Variants in IQCH observed in about 807,000 individuals in gnomAD.
The protein encoded by IQCH is IQ motif containing H, also known as IQ domain-containing protein H.
Under a neutral mutation model 117.0 loss-of-function variants are expected in IQCH, and 98 were observed. The ratio of observed to expected loss-of-function variants is 0.84; its 90% CI spans 0.71 to 0.99. The LOEUF is 0.99. Among genes scored for constraint, IQCH ranks in the 50% least tolerant of loss-of-function variants. The probability of loss-of-function intolerance (pLI) is 0.00; values close to 1 mark genes in which losing one functional copy is unlikely to be tolerated. For missense variants in IQCH, 1,102 were observed against 1,243.8 expected (o/e 0.89, Z 1.72); for synonymous variants, 412 against 448.2 (o/e 0.92, Z 1.02).
chr15:67,282,493 T>C (rs1966399840), intron 4 of IQCH, among the ~76,000 whole-genome samples: 1 of 152,168 alleles, frequency 6.6e-6, no homozygotes, highest in Non-Finnish European at 1.5e-5. Context: ...GCATGGACTA[T>C]TTCCTACCCT....
At chr15:67,399,883 A>G (rs943557548) in intron 13 of IQCH, among the ~76,000 whole-genome samples, 3 of 152,264 alleles carry the variant, frequency 2.0e-5, no homozygotes, top group Non-Finnish European at 2.9e-5. Flanking sequence ...AATTTCTCAA[A>G]TAAGACTGTG....
chr15:67,441,122 C>CAAAAAAAAAAAAAAA (rs200254535), intron 16 of IQCH, among the ~76,000 whole-genome samples: 2 of 53,974 alleles, frequency 3.7e-5, no homozygotes, highest in African/African-American at 1.4e-4. Flanking sequence ...GCAATAGCTG[C>CAAAAAAAAAAAAAAA]AAAAAAAAAA....
Position 67,297,013 on chromosome 15 carries a change from C to A in IQCH, c.387+17501C>A, listed in dbSNP as rs920734330. ...TAGGAATGAGAAAACGGATTGGCCA[C>A]ATCTGAATAGAAGTAGGTAAGCCTT... On this transcript the variant is annotated intron_variant, in intron 4 of 20. Coordinates refer to ENST00000335894, the MANE Select transcript of IQCH (RefSeq NM_001031715.3). 1.1e-4 allele frequency among the ~76,000 whole-genome samples: 17 copies of A among 152,260 alleles called. No individual in the cohort carries two copies. The South Asian group carries it at 2.9e-3, about 26-fold the overall frequency.
rs532904159 is a variant in IQCH at position 67,401,706 on chromosome 15, A to G, written c.2097+1401A>G. Among the ~76,000 whole-genome samples the G allele has an allele frequency of 2.4e-4, 37 of 152,280 alleles. 2 individuals carry two copies. In the South Asian group the frequency reaches 7.3e-3, roughly 30 times the overall value. ...GCTTCGTTTCTCCCCTCCATCAGTA[A>G]ATGGACTAAATGCAGTACCTGTCAT... On this transcript the variant is annotated intron_variant, in intron 14 of 20. Coordinates refer to ENST00000335894, the MANE Select transcript of IQCH (RefSeq NM_001031715.3). The surrounding 1 kb of genome is among the most constrained non-coding windows in gnomAD (Gnocchi z 4.7).
At chr15:67,280,825 C>T (rs1261275505) in intron 4 of IQCH, among the ~76,000 whole-genome samples, 2 of 132,766 alleles carry the variant, frequency 1.5e-5, no homozygotes, top group African/African-American at 3.0e-5. Context: ...CAGAACAATC[C>T]TAGAAGGAGG....
Position 67,376,385 on chromosome 15 carries a change from ATCTAGTAATTTCATTTCCAAAG to A in IQCH, c.1372+2954_1372+2975del, listed in dbSNP as rs1567138923. ...TACTGGAAGAAAACTAATCTATTCA[ATCTAGTAATTTCATTTCCAAAG>A]TTGAGACAGATTCACTAGTCAAAAT... On this transcript the variant is annotated intron_variant, in intron 10 of 20. Transcript: ENST00000335894. This position sits in a 1 kb window ranked among gnomAD's most constrained non-coding sequence, Gnocchi z 5.0. Among the ~76,000 whole-genome samples the A allele has an allele frequency of 6.6e-6, 1 of 152,228 alleles. No homozygotes were observed. The highest frequency in any genetic ancestry group is 1.9e-4 in the East Asian group (1 of 5,204).
chr15:67,293,424 A>T (rs1966819017), intron 4 of IQCH, among the ~76,000 whole-genome samples: 1 of 152,212 alleles, frequency 6.6e-6, no homozygotes, highest in Non-Finnish European at 1.5e-5. Flanking sequence ...AAAATAGTGT[A>T]ATATTTGCAT....
intron 4 of IQCH, among the ~76,000 whole-genome samples, chr15:67,291,602 C>T (rs940913673): frequency 3.3e-5 from 5 of 152,028 alleles, no homozygotes; most frequent in Non-Finnish European, 7.4e-5. Context: ...TTCACCCAAA[C>T]GAAAGTTTTG....
intron 4 of IQCH, among the ~76,000 whole-genome samples, chr15:67,301,305 G>C (rs777266134): frequency 3.3e-4 from 50 of 149,634 alleles, no homozygotes; most frequent in Non-Finnish European, 6.1e-4. Context: ...ATGCTTATAA[G>C]TATTTTCCCA....
At chr15:67,497,900 A>G (rs1013773053) in intron 20 of IQCH, among the ~76,000 whole-genome samples, 2 of 152,350 alleles carry the variant, frequency 1.3e-5, no homozygotes, top group East Asian at 1.9e-4. Flanking sequence ...TATTCATCCA[A>G]TAGAAGACAA....
At position 67,428,572 on chromosome 15, in the gene IQCH, C is replaced by T. The variant is rs1209247939; in HGVS notation, c.2505+6995C>T. 5.3e-5 allele frequency among the ~76,000 whole-genome samples: 8 copies of T among 152,136 alleles called. No individual in the cohort carries two copies. The East Asian group carries it at 1.2e-3, about 22-fold the overall frequency. On this transcript the variant is annotated intron_variant, in intron 16 of 20. Coordinates refer to ENST00000335894, the MANE Select transcript of IQCH (RefSeq NM_001031715.3). Reference sequence around the variant, plus strand: ...GGGTCCTTTTAAAAGAGAGGCAGGCCGGGTGCGGTGACTCACACCTGTAAT... The same window carrying T: ...GGGTCCTTTTAAAAGAGAGGCAGGCTGGGTGCGGTGACTCACACCTGTAAT...
chr15:67,371,437 C>T, intron 8 of IQCH: 1 of 1,448,018 alleles, frequency 6.9e-7, no homozygotes, highest in Non-Finnish European at 9.1e-7. Context: ...GATTTGTGAT[C>T]CTAATCCACC....
intron 4 of IQCH, among the ~76,000 whole-genome samples, chr15:67,309,459 A>G (rs573802677): frequency 6.6e-6 from 1 of 152,194 alleles, no homozygotes; most frequent in Admixed American, 6.5e-5. Context: ...AGTGTTTTAC[A>G]CATATTAGGT....
chr15:67,449,850 C>T (rs1436598866), intron 16 of IQCH, among the ~76,000 whole-genome samples: 1 of 152,154 alleles, frequency 6.6e-6, no homozygotes, highest in Non-Finnish European at 1.5e-5. Flanking sequence ...ATTCTTCCTA[C>T]CCATGAGCAT....
intron 4 of IQCH, among the ~76,000 whole-genome samples, chr15:67,300,369 C>T (rs1966964315): frequency 6.6e-6 from 1 of 152,078 alleles, no homozygotes; most frequent in African/African-American, 2.4e-5. Flanking sequence ...TCACAAACAA[C>T]CCTATGAAGC....
chr15:67,256,231 A>G (rs112050984), intron 1 of IQCH, among the ~76,000 whole-genome samples: 1 of 152,204 alleles, frequency 6.6e-6, no homozygotes, highest in African/African-American at 2.4e-5. Context: ...GCTTTTGGTC[A>G]TCTTATCCCT....
Position 67,496,571 on chromosome 15 carries a change from G to A in IQCH, c.2970+2205G>A, listed in dbSNP as rs1288408797. 5.3e-5 allele frequency among the ~76,000 whole-genome samples: 8 copies of A among 151,950 alleles called. No homozygotes were observed. Among genetic ancestry groups the A allele is most frequent in the Non-Finnish European group, 1.0e-4 (7 of 67,990 alleles). ...GAAAAGGAAATAAAAGGCGCTGGGTGCAGTGGCCCCCACCTGTAATCCCAG... is the reference window on the plus strand; with the variant it reads ...GAAAAGGAAATAAAAGGCGCTGGGTACAGTGGCCCCCACCTGTAATCCCAG... On this transcript the variant is annotated intron_variant, in intron 20 of 20. Coordinates refer to ENST00000335894, the MANE Select transcript of IQCH (RefSeq NM_001031715.3). This position sits in a 1 kb window ranked among gnomAD's most constrained non-coding sequence, Gnocchi z 4.4.
At position 67,404,466 on chromosome 15, in the gene IQCH, A is replaced by G. The variant is rs1315426904; in HGVS notation, c.2097+4161A>G. 3 of 152,204 alleles carry G rather than the reference A, an allele frequency of 2.0e-5. No homozygotes were observed. The highest frequency in any genetic ancestry group is 2.0e-4 in the Admixed American group (3 of 15,266). The allele number at this position is 152,204 out of a possible 1,614,324, so 9.4% of individuals were successfully genotyped here. A position where few individuals can be genotyped will look rare whatever the true frequency, so the allele number is the denominator to read the frequency against. ...AGTAGGTATTTATTAGGTGATCCCA[A>G]AGAGCCATTGCTTGTAATCACATCA... On this transcript the variant is annotated intron_variant, in intron 14 of 20. Transcript: ENST00000335894. This position sits in a 1 kb window ranked among gnomAD's most constrained non-coding sequence, Gnocchi z 4.6.
rs1236881876 is a variant in IQCH, at chr15:67,403,372, G to A, written c.2097+3067G>A. On this transcript the variant is annotated intron_variant, in intron 14 of 20. Transcript: ENST00000335894. This position sits in a 1 kb window ranked among gnomAD's most constrained non-coding sequence, Gnocchi z 4.8. ...GCAGATGCTGAAAAGTTGTAGTCAC[G>A]GTTAAAAAAAAATCAGTAGAGACAT... Among the ~76,000 whole-genome samples, 1 of 151,988 alleles carries A rather than the reference G, an allele frequency of 6.6e-6. No individual in the cohort carries two copies. Among genetic ancestry groups the A allele is most frequent in the African/African-American group, 2.4e-5 (1 of 41,372 alleles).
Sources: allele counts gnomAD v4.1 joint callset (sites outside exome capture counted in the v4.1 genomes callset), GRCh38; gene constraint gnomAD v4.1.1; non-coding constraint Gnocchi (gnomAD v3.1); transcripts MANE v1.5; gene names NCBI Gene and HGNC (gene_info 2026-07-23, HGNC 2026-07-21).